Variants in CFAP90 observed in about 807,000 individuals in gnomAD.
CFAP90 encodes cilia- and flagella-associated protein 90.
chr5:7,834,176 G>A, the CFAP90 span, among the ~76,000 whole-genome samples: 7 of 152,118 alleles, frequency 4.6e-5, no homozygotes, highest in African/African-American at 1.2e-4. Context: ...GCGTGACGTC[G>A]CCTTTGAAGA....
the CFAP90 span, among the ~76,000 whole-genome samples, chr5:7,836,418 C>G: frequency 6.6e-6 from 1 of 152,090 alleles, no homozygotes; most frequent in Admixed American, 6.5e-5. Context: ...GCCTGAAAAT[C>G]AACTGACAGA....
At chr5:7,831,726 C>T in the CFAP90 span, 3 of 932,618 alleles carry the variant, frequency 3.2e-6, no homozygotes, top group African/African-American at 3.3e-5. Context: ...AGATGCAACA[C>T]AGGCATAGCC....
At chr5:7,840,611 C>T in the CFAP90 span, among the ~76,000 whole-genome samples, 8 of 152,108 alleles carry the variant, frequency 5.3e-5, no homozygotes, top group South Asian at 1.2e-3. Context: ...GGAGACTGCA[C>T]CACACTGCTG....
At chr5:7,842,780 A>G in the CFAP90 span, among the ~76,000 whole-genome samples, 1 of 152,140 alleles carries the variant, frequency 6.6e-6, no homozygotes, top group Non-Finnish European at 1.5e-5. Flanking sequence ...TTAACAACCC[A>G]CTTTCTGGAG....
the CFAP90 span, among the ~76,000 whole-genome samples, chr5:7,832,297 T>C: frequency 4.6e-5 from 7 of 152,296 alleles, no homozygotes; most frequent in Admixed American, 1.3e-4. Flanking sequence ...CGTTTGTCCC[T>C]GTGCTCTTCC....
the CFAP90 span, among the ~76,000 whole-genome samples, chr5:7,835,821 A>T: frequency 6.6e-6 from 1 of 152,218 alleles, no homozygotes; most frequent in African/African-American, 2.4e-5. Context: ...GCTAGAGCTC[A>T]AACTTTAAAA....
chr5:7,848,960 G>T, the CFAP90 span, among the ~76,000 whole-genome samples: 1 of 152,186 alleles, frequency 6.6e-6, no homozygotes, highest in African/African-American at 2.4e-5. Flanking sequence ...TCTTGGGTAT[G>T]TCTTTATTAG....
the CFAP90 span, among the ~76,000 whole-genome samples, chr5:7,846,580 C>T: frequency 1.3e-5 from 2 of 152,158 alleles, no homozygotes; most frequent in African/African-American, 4.8e-5. Flanking sequence ...ATGTCCTCAT[C>T]ACTTCCCAAA....
the CFAP90 span, among the ~76,000 whole-genome samples, chr5:7,837,200 C>T: frequency 6.6e-6 from 1 of 151,976 alleles, no homozygotes; most frequent in Admixed American, 6.6e-5. Context: ...GTATTATCTC[C>T]ATTTTATCAT....
chr5:7,830,486 A>G, the CFAP90 span: 1 of 152,234 alleles, frequency 6.6e-6, no homozygotes, highest in African/African-American at 2.4e-5. Flanking sequence ...CAAACTTTAT[A>G]TATTTTCTAT....
the CFAP90 span, among the ~76,000 whole-genome samples, chr5:7,833,490 AATAG>A: frequency 0.2 from 31,059 of 152,030 alleles, 3,420 homozygotes; most frequent in Middle Eastern, 0.27. Flanking sequence ...ACACATATAT[AATAG>A]ATACATACAC....
At chr5:7,846,125 TA>T in the CFAP90 span, among the ~76,000 whole-genome samples, 81 of 152,192 alleles carry the variant, frequency 5.3e-4, no homozygotes, top group African/African-American at 1.9e-3. Flanking sequence ...GTCATTCATA[TA>T]ATAGCTCTAT....
the CFAP90 span, among the ~76,000 whole-genome samples, chr5:7,842,441 C>T: frequency 6.6e-6 from 1 of 151,754 alleles, no homozygotes; most frequent in East Asian, 2.0e-4. Context: ...CCCAGTTTGC[C>T]CCACAAGTAG....
At chr5:7,851,106 G>T in the CFAP90 span, 1 of 1,223,046 alleles carries the variant, frequency 8.2e-7, no homozygotes, top group Non-Finnish European at 1.0e-6. Flanking sequence ...GCCTCAGGTT[G>T]CTCAGCGCCA....
the CFAP90 span, among the ~76,000 whole-genome samples, chr5:7,850,535 C>T: frequency 6.6e-6 from 1 of 150,722 alleles, no homozygotes; most frequent in Admixed American, 6.6e-5. Context: ...GAACCCTGCC[C>T]CAAGGCCCCA....
chr5:7,846,417 A>G, the CFAP90 span, among the ~76,000 whole-genome samples: 1 of 152,208 alleles, frequency 6.6e-6, no homozygotes, highest in Admixed American at 6.5e-5. Flanking sequence ...TCCAAGATCA[A>G]GGCGCTGGCA....
At chr5:7,832,140 A>C in the CFAP90 span, 1 of 1,052,520 alleles carries the variant, frequency 9.5e-7, no homozygotes, top group African/African-American at 1.6e-5. Flanking sequence ...GGGTCCCACC[A>C]TGGTAGACCA....
the CFAP90 span, chr5:7,831,966 T>A: frequency 4.3e-6 from 7 of 1,614,006 alleles, no homozygotes; most frequent in Admixed American, 1.2e-4. Context: ...AGGGGCTCAA[T>A]GGGCTGATTG....
At chr5:7,838,086 G>A in the CFAP90 span, among the ~76,000 whole-genome samples, 2 of 152,182 alleles carry the variant, frequency 1.3e-5, no homozygotes. Context: ...TTTTTTAAAA[G>A]CCTGAATCAA....
Sources: gnomAD v4.1 joint callset for allele counts (sites outside exome capture counted in the v4.1 genomes callset) on GRCh38, gnomAD v4.1.1 for gene constraint, MANE v1.5 for transcripts, NCBI Gene and HGNC (gene_info 2026-07-23, HGNC 2026-07-21) for gene names.